Variants in DCP1B observed in about 807,000 individuals in gnomAD.
DCP1B encodes the protein mRNA-decapping enzyme 1B.
A neutral mutation model predicts 60.5 loss-of-function variants in DCP1B; 47 were observed. The observed-to-expected ratio is 0.78, with a 90% confidence interval of 0.61 to 0.99. The LOEUF is 0.99. Among genes scored for constraint, DCP1B ranks in the 50% least tolerant of loss-of-function variants. The pLI, the probability that DCP1B is intolerant of heterozygous loss-of-function variation, is 0.00. For synonymous variants in DCP1B, 267 were observed against 280.3 expected (o/e 0.95, Z 0.47); for missense variants, 725 against 756.8 (o/e 0.96, Z 0.49).
intron 2 of DCP1B, among the ~76,000 whole-genome samples, chr12:1,997,005 TTTTATGTGAATG>T (rs1171925435): frequency 1.3e-5 from 2 of 152,228 alleles, no homozygotes; most frequent in Admixed American, 6.5e-5. Flanking sequence ...GGCTATGACA[TTTTATGTGAATG>T]TTTATGTGAA....
chr12:1,943,812 G>A (rs2030338026), downstream of DCP1B, among the ~76,000 whole-genome samples: 1 of 152,148 alleles, frequency 6.6e-6, no homozygotes, highest in Non-Finnish European at 1.5e-5. Context: ...AGCTATTTAT[G>A]ACAAACCCAC....
intron 5 of DCP1B, among the ~76,000 whole-genome samples, chr12:1,958,365 A>G (rs996508547): frequency 7.0e-6 from 1 of 142,220 alleles, no homozygotes; most frequent in African/African-American, 2.6e-5. Context: ...AACCTCCTGG[A>G]AGAAGACAGG....
chr12:1,978,674 A>G (rs1336836536), intron 3 of DCP1B, among the ~76,000 whole-genome samples: 1 of 152,042 alleles, frequency 6.6e-6, no homozygotes, highest in East Asian at 1.9e-4. Context: ...CAACAACCAC[A>G]CCCCACTTCC....
intron 8 of DCP1B, among the ~76,000 whole-genome samples, chr12:1,946,837 C>A (rs1014372711): frequency 9.2e-5 from 14 of 152,146 alleles, no homozygotes; most frequent in African/African-American, 3.4e-4. Flanking sequence ...GTAGCTAGGG[C>A]TACAGGTGCG....
intron 3 of DCP1B, chr12:1,992,917 G>A (rs1565855030): frequency 1.7e-5 from 9 of 545,280 alleles, no homozygotes; most frequent in Admixed American, 3.4e-5. Context: ...TCTTCGTTCA[G>A]GGAGCCACCT....
Position 1,958,326 on chromosome 12 carries a change from C to T in DCP1B, c.523-2766G>A, listed in dbSNP as rs535367223. Among the ~76,000 whole-genome samples, 41 of 146,348 alleles carry T rather than the reference C, an allele frequency of 2.8e-4. 1 individual carries two copies. Among genetic ancestry groups the T allele is most frequent in the Non-Finnish European group, 4.5e-4 (30 of 66,070 alleles). On this transcript the variant is annotated intron_variant, in intron 5 of 8. Coordinates refer to ENST00000280665, the MANE Select transcript of DCP1B (RefSeq NM_152640.5). Reference sequence around the variant, plus strand: ...AGAAGACAGGGGAAAAGCTCCCTAACGTCGCTCTGGGCAATGGCTTCTTCT... The same window carrying T: ...AGAAGACAGGGGAAAAGCTCCCTAATGTCGCTCTGGGCAATGGCTTCTTCT...
intron 7 of DCP1B, among the ~76,000 whole-genome samples, chr12:1,951,595 C>G (rs565122503): frequency 5.3e-5 from 8 of 152,272 alleles, no homozygotes; most frequent in African/African-American, 1.9e-4. Flanking sequence ...GGCATGCATA[C>G]CTCTCCTGAT....
chr12:1,975,307 T>C (rs1291473130), intron 3 of DCP1B, among the ~76,000 whole-genome samples: 1 of 152,134 alleles, frequency 6.6e-6, no homozygotes, highest in Non-Finnish European at 1.5e-5. Context: ...TTGGCCAAAA[T>C]TGTTTTCCTT....
In DCP1B at chr12:1,963,056, C is replaced by T. The variant is rs181061728; in HGVS notation, c.522+2502G>A. ...CTTTCTGTAAACTAAAAAGTTAGAG[C>T]TCAAGGCTTAATGAGATTCAGGATC... On this transcript the variant is annotated intron_variant, in intron 5 of 8. Transcript: ENST00000280665. Among the ~76,000 whole-genome samples the T allele has an allele frequency of 3.7e-4, 57 of 152,316 alleles. 1 individual carries two copies. The Middle Eastern group carries it at 0.01, about 27-fold the overall frequency.
rs2030854492 is a variant in DCP1B at position 1,955,574 on chromosome 12, G to A, written c.523-14C>T. On this transcript the variant is annotated splice_polypyrimidine_tract_variant and intron_variant, in intron 5 of 8. Coordinates refer to ENST00000280665, the MANE Select transcript of DCP1B (RefSeq NM_152640.5). Reference sequence around the variant, plus strand: ...ACAGGTTTTACACTGAAATAGAAAAGAAAATCCCCTCATTTTTGGCTTAGA... The same window carrying A: ...ACAGGTTTTACACTGAAATAGAAAAAAAAATCCCCTCATTTTTGGCTTAGA... 6.2e-7 allele frequency: 1 copy of A among 1,604,418 alleles called. No homozygotes were observed.
At chr12:1,968,112 C>T (rs1348008598) in intron 3 of DCP1B, among the ~76,000 whole-genome samples, 3 of 151,986 alleles carry the variant, frequency 2.0e-5, no homozygotes, top group African/African-American at 7.2e-5. Flanking sequence ...CACTTGTAAT[C>T]CCAGTACTTT....
intron 5 of DCP1B, among the ~76,000 whole-genome samples, chr12:1,963,636 C>T (rs556217642): frequency 6.6e-6 from 1 of 152,304 alleles, no homozygotes; most frequent in East Asian, 1.9e-4. Context: ...GAATGTGGTG[C>T]TCTGGTCAGT....
chr12:1,953,232 G>C lies in DCP1B; in HGVS notation c.708C>G (p.Asp236Glu). ...LSLTALFGKQDKATCQETVEP... is the reference protein window; with the variant it reads ...LSLTALFGKQEKATCQETVEP... ...CCACAGTTTCCTGACATGTAGCTTT[G>C]TCCTGCTTCCCAAACAGAGCTGTCA... The change falls in exon 7 of 9, where the codon GAC (aspartate) becomes GAG (glutamate). Residue 236 changes from aspartate to glutamate, a missense_variant. By Grantham distance (45) the Asp-to-Glu change is conservative. Coordinates refer to ENST00000280665, the MANE Select transcript of DCP1B (RefSeq NM_152640.5). 1.2e-6 allele frequency: 2 copies of C among 1,605,520 alleles called. No individual in the cohort carries two copies. The highest frequency in any genetic ancestry group is 1.7e-6 in the Non-Finnish European group (2 of 1,179,950).
chr12:1,969,272 A>G (rs1057461645), intron 3 of DCP1B, among the ~76,000 whole-genome samples: 3 of 152,334 alleles, frequency 2.0e-5, no homozygotes, highest in African/African-American at 7.2e-5. Flanking sequence ...TGATTCATAT[A>G]TCAAAAGGTA....
At chr12:2,001,633 G>GT (rs1416996893) in intron 1 of DCP1B, among the ~76,000 whole-genome samples, 4 of 152,152 alleles carry the variant, frequency 2.6e-5, no homozygotes, top group African/African-American at 9.7e-5. Context: ...CATGTAGCAC[G>GT]TGAGTCACCT....
intron 5 of DCP1B, among the ~76,000 whole-genome samples, chr12:1,961,883 A>G (rs1950289387): frequency 6.6e-6 from 1 of 152,224 alleles, no homozygotes; most frequent in Non-Finnish European, 1.5e-5. Context: ...TGAGAGAGAC[A>G]GAGAATGTGT....
At chr12:1,955,020 T>A (rs1026788778) in intron 6 of DCP1B, among the ~76,000 whole-genome samples, 1 of 152,182 alleles carries the variant, frequency 6.6e-6, no homozygotes, top group South Asian at 2.1e-4. Context: ...CACGCCATCA[T>A]GCCTGGCTAA....
At chr12:1,945,103 T>C (rs1179000321), downstream of DCP1B, among the ~76,000 whole-genome samples, 1 of 151,934 alleles carries the variant, frequency 6.6e-6, no homozygotes, top group Non-Finnish European at 1.5e-5. Context: ...AACAATCCCA[T>C]CAAAAAGTGG....
chr12:1,958,727 G>A (rs2031001695), intron 5 of DCP1B, among the ~76,000 whole-genome samples: 1 of 139,450 alleles, frequency 7.2e-6, no homozygotes, highest in Non-Finnish European at 1.5e-5. Flanking sequence ...GTCGCTCTGG[G>A]CAATGACTTT....
Sources: allele counts gnomAD v4.1 joint callset (sites outside exome capture counted in the v4.1 genomes callset), GRCh38; gene constraint gnomAD v4.1.1; transcripts MANE v1.5; gene names NCBI Gene and HGNC (gene_info 2026-07-23, HGNC 2026-07-21).